Variants in PLEKHA6 observed in about 807,000 individuals in gnomAD.
PLEKHA6 encodes pleckstrin homology domain-containing family A member 6.
Under a neutral mutation model 116.7 loss-of-function variants are expected in PLEKHA6, and 60 were observed. That is an observed-to-expected ratio of 0.51 (90% CI 0.42 to 0.64). The LOEUF is 0.64. Among genes scored for constraint, PLEKHA6 ranks in the 30% least tolerant of loss-of-function variants. The pLI, the probability that PLEKHA6 is intolerant of heterozygous loss-of-function variation, is 0.00. For synonymous variants in PLEKHA6, 489 were observed against 556.1 expected (o/e 0.88, Z 1.70); for missense variants, 1,338 against 1,422.7 (o/e 0.94, Z 0.96).
intron 1 of PLEKHA6, among the ~76,000 whole-genome samples, chr1:204,303,933 T>A (rs987000337): frequency 1.3e-5 from 2 of 152,156 alleles, no homozygotes; most frequent in Non-Finnish European, 2.9e-5. Flanking sequence ...CAGGCTTGTC[T>A]TGAACTCCTG....
intron 3 of PLEKHA6, among the ~76,000 whole-genome samples, chr1:204,270,049 C>G (rs1667286747): frequency 1.3e-5 from 2 of 152,210 alleles, no homozygotes; most frequent in African/African-American, 4.8e-5. Context: ...CCTCCTCTAC[C>G]TATTTTCTGA....
In PLEKHA6 at chr1:204,257,168, C is replaced by T. The variant is rs1665420903; in HGVS notation, c.1524+185G>A. Among the ~76,000 whole-genome samples the T allele has an allele frequency of 6.6e-6, 1 of 152,278 alleles. No individual in the cohort carries two copies. Among genetic ancestry groups the T allele is most frequent in the Non-Finnish European group, 1.5e-5 (1 of 68,052 alleles). Reference sequence around the variant, plus strand: ...TCAAGAGGCAAAGCCATCCCCAAGACAGCTCTCCTACAGACAGAACCACAG... The same window carrying T: ...TCAAGAGGCAAAGCCATCCCCAAGATAGCTCTCCTACAGACAGAACCACAG... On this transcript the variant is annotated intron_variant, in intron 9 of 22. Coordinates refer to ENST00000272203, the MANE Select transcript of PLEKHA6 (RefSeq NM_014935.5). This position sits in a 1 kb window ranked among gnomAD's most constrained non-coding sequence, Gnocchi z 6.5.
At chr1:204,378,104 G>A (rs925740604), upstream of PLEKHA6, 3 of 152,340 alleles carry the variant, frequency 2.0e-5, no homozygotes, top group Non-Finnish European at 2.9e-5. Flanking sequence ...GAGAGCAGAA[G>A]CTGGAGCGGG....
At chr1:204,346,948 C>T (rs1219876148) in intron 1 of PLEKHA6, 9 of 1,171,372 alleles carry the variant, frequency 7.7e-6, no homozygotes, top group Non-Finnish European at 1.1e-5. Context: ...TTTCAGGAAG[C>T]TATCTCGGCT....
intron 2 of PLEKHA6, chr1:204,369,252 T>TTTTCGCC (rs1237108130): frequency 6.6e-6 from 1 of 152,180 alleles, no homozygotes; most frequent in African/African-American, 2.4e-5. Flanking sequence ...CTCCGAAACA[T>TTTTCGCC]TTTCGCCGAT....
chr1:204,278,528 G>A (rs564406170), intron 1 of PLEKHA6, among the ~76,000 whole-genome samples: 9 of 152,294 alleles, frequency 5.9e-5, no homozygotes, highest in Non-Finnish European at 1.3e-4. Flanking sequence ...TTTTTGGATC[G>A]AGCAAGAACT....
At chr1:204,336,637 A>G (rs762739139) in intron 1 of PLEKHA6, among the ~76,000 whole-genome samples, 1 of 152,142 alleles carries the variant, frequency 6.6e-6, no homozygotes, top group Non-Finnish European at 1.5e-5. Context: ...GCACTAGGCC[A>G]ACTTGCATAC....
intron 1 of PLEKHA6, among the ~76,000 whole-genome samples, chr1:204,288,806 G>C (rs1224938263): frequency 6.6e-6 from 1 of 152,142 alleles, no homozygotes; most frequent in Non-Finnish European, 1.5e-5. Context: ...AGCAGCACTA[G>C]GAATTGTAAT....
chr1:204,296,837 C>T (rs2103061201), intron 1 of PLEKHA6, among the ~76,000 whole-genome samples: 1 of 152,338 alleles, frequency 6.6e-6, no homozygotes, highest in Middle Eastern at 3.4e-3. Context: ...TGCCTGTTCC[C>T]CTCCTTCTCC....
intron 1 of PLEKHA6, among the ~76,000 whole-genome samples, chr1:204,350,659 G>A (rs1413011595): frequency 6.6e-6 from 1 of 152,196 alleles, no homozygotes; most frequent in African/African-American, 2.4e-5. Flanking sequence ...TTTTACAGAT[G>A]AAGAAATCAA....
chr1:204,301,986 C>T (rs1323830693), intron 1 of PLEKHA6, among the ~76,000 whole-genome samples: 2 of 152,190 alleles, frequency 1.3e-5, no homozygotes, highest in African/African-American at 4.8e-5. Context: ...ATCCTGCCAC[C>T]TTCAGCCACT....
At chr1:204,326,504 A>G (rs1203081696) in intron 1 of PLEKHA6, among the ~76,000 whole-genome samples, 2 of 152,132 alleles carry the variant, frequency 1.3e-5, no homozygotes, top group Non-Finnish European at 2.9e-5. Flanking sequence ...AGTCCATGCC[A>G]CCTCCCAAAC....
chr1:204,268,309 T>G lies in PLEKHA6; in HGVS notation c.106A>C (p.Thr36Pro). ...GCGACGGCTTTGCGGGCTGTGCGAG[T>G]TGCCTGGGGGCAGAGAGAGAAGCTG... ...VPPERPSVRATRTARKAVAFG... is the reference protein window; with the variant it reads ...VPPERPSVRAPRTARKAVAFG... Residue 36 changes from threonine (T) to proline (P), a missense_variant, in exon 4 of 23, where the codon ACT becomes CCT. By Grantham distance (38) the Thr-to-Pro change is conservative. Around this residue, in one of 3 missense-constraint regions of PLEKHA6, gnomAD observed 62 missense variants for 61.7 expected, o/e 1.01. Transcript: ENST00000272203. 6.2e-7 allele frequency: 1 copy of G among 1,604,706 alleles called. No homozygotes were observed. Among genetic ancestry groups the G allele is most frequent in the South Asian group, 1.1e-5 (1 of 89,898 alleles).
intron 3 of PLEKHA6, 36 bp downstream of exon 3, chr1:204,273,590 T>C (rs750416468): frequency 4.2e-6 from 6 of 1,413,610 alleles, no homozygotes; most frequent in Non-Finnish European, 5.0e-6. Context: ...TGAAGACGTT[T>C]CCAGCCCAAC....
chr1:204,227,805 C>A (rs1410929080), intron 21 of PLEKHA6, among the ~76,000 whole-genome samples: 1 of 152,224 alleles, frequency 6.6e-6, no homozygotes, highest in Non-Finnish European at 1.5e-5. Context: ...GAATGGCTCC[C>A]CATGCTCTGC....
intron 21 of PLEKHA6, among the ~76,000 whole-genome samples, chr1:204,227,419 A>T (rs1266352228): frequency 1.3e-5 from 2 of 152,112 alleles, no homozygotes; most frequent in Non-Finnish European, 1.5e-5. Flanking sequence ...TAAAAGCTCA[A>T]CTACATTTTC....
upstream of PLEKHA6, among the ~76,000 whole-genome samples, chr1:204,364,726 G>A (rs1422090893): frequency 6.6e-6 from 1 of 152,108 alleles, no homozygotes; most frequent in Non-Finnish European, 1.5e-5. Flanking sequence ...TGAGTTTTCA[G>A]TCTAGGCTAC....
chr1:204,355,432 G>A (rs987249773), intron 1 of PLEKHA6, among the ~76,000 whole-genome samples: 4 of 151,954 alleles, frequency 2.6e-5, no homozygotes, highest in Admixed American at 1.3e-4. Flanking sequence ...CCATAACTAC[G>A]TTTTGTTTGT....
chr1:204,252,444 C>T (rs1446440833), intron 9 of PLEKHA6, among the ~76,000 whole-genome samples: 3 of 151,802 alleles, frequency 2.0e-5, no homozygotes, highest in Admixed American at 6.6e-5. Context: ...TGGGAAAGGA[C>T]CAAAAAGTGA....
Sources: gnomAD v4.1 joint callset for allele counts (sites outside exome capture counted in the v4.1 genomes callset) on GRCh38, gnomAD v4.1.1 for gene constraint, gnomAD v4.1.1 regional missense constraint, Gnocchi (gnomAD v3.1) non-coding constraint, MANE v1.5 for transcripts, NCBI Gene and HGNC (gene_info 2026-07-23, HGNC 2026-07-21) for gene names.